RAP1GAP: variants seen among roughly 807,000 people sequenced by gnomAD.
The protein encoded by RAP1GAP is rap1 GTPase-activating protein 1.
A neutral mutation model predicts 87.2 loss-of-function variants in RAP1GAP; 35 were observed. The ratio of observed to expected loss-of-function variants is 0.40; its 90% CI spans 0.31 to 0.53. The LOEUF (loss-of-function observed/expected upper bound fraction) is 0.53, where lower values mean the gene tolerates loss of function less well. RAP1GAP is among the 20% of genes least tolerant of loss of function. The pLI is 0.48. For synonymous variants in RAP1GAP, 375 were observed against 363.9 expected, an observed-to-expected ratio of 1.03 and a Z score of -0.35; for missense variants, 734 against 898.9, an observed-to-expected ratio of 0.82 and a Z score of 2.35.
In RAP1GAP at chr1:21,637,323, A is replaced by AT. The variant is rs34089727; in HGVS notation, c.-112-10927dup. On this transcript the variant is annotated intron_variant, in intron 2 of 24. Transcript: ENST00000374765. ...AGGTGCATGCCACCACATCCGGCTAATTTTTTTTTTTTGTAGAGACAGGGT... is the reference window on the plus strand; with the variant it reads ...AGGTGCATGCCACCACATCCGGCTAATTTTTTTTTTTTTGTAGAGACAGGGT... Among the ~76,000 whole-genome samples, 17 of 146,298 alleles carry AT rather than the reference A, an allele frequency of 1.2e-4. No homozygotes were observed. In the South Asian group the frequency reaches 1.3e-3, roughly 11 times the overall value.
chr1:21,640,126 G>A (rs943568351), intron 2 of RAP1GAP, among the ~76,000 whole-genome samples: 1 of 128,174 alleles, frequency 7.8e-6, no homozygotes, highest in Non-Finnish European at 1.5e-5. Flanking sequence ...ACTCCTTTCC[G>A]CTCCTCAAAC....
At chr1:21,630,303 T>C (rs1222219228) in intron 2 of RAP1GAP, among the ~76,000 whole-genome samples, 1 of 151,906 alleles carries the variant, frequency 6.6e-6, no homozygotes, top group African/African-American at 2.4e-5. Flanking sequence ...GATCTTGCTC[T>C]TGCTGCCCAG....
Position 21,610,169 on chromosome 1 carries a change from T to A in RAP1GAP, c.950A>T (p.Tyr317Phe), listed in dbSNP as rs1321309435. The A allele has an allele frequency of 6.2e-7, 1 of 1,614,076 alleles. No homozygotes were observed. The highest frequency in any genetic ancestry group is 1.7e-5 in the Admixed American group (1 of 60,016). Residue 317 changes from tyrosine to phenylalanine, a missense_variant, in exon 14 of 25, where the codon TAC becomes TTC. Around this residue, in one of 2 missense-constraint regions of RAP1GAP, gnomAD observed 485 missense variants for 646.2 expected, o/e 0.75. Transcript: ENST00000374765. Reference protein sequence around the residue: ...DMIASNFLHAYVVVQAEGGGP... With the variant: ...DMIASNFLHAFVVVQAEGGGP... ...CCCGCCCTCAGCCTGCACCACGACG[T>A]AGGCATGCAGGAAGTTGGACGCGAT...
chr1:21,654,811 G>A (rs2096792425), intron 1 of RAP1GAP, among the ~76,000 whole-genome samples: 1 of 151,360 alleles, frequency 6.6e-6, no homozygotes, highest in Non-Finnish European at 1.5e-5. Flanking sequence ...CAGCCTGGGT[G>A]ACAGAGCAAG....
intron 2 of RAP1GAP, among the ~76,000 whole-genome samples, chr1:21,628,400 TA>T (rs528098037): frequency 3.0e-3 from 156 of 52,404 alleles, no homozygotes; most frequent in African/African-American, 0.018. Context: ...CCATCTCTAC[TA>T]AAAAAAAAAA....
chr1:21,637,952 T>C (rs1009286952), intron 2 of RAP1GAP, among the ~76,000 whole-genome samples: 17 of 101,250 alleles, frequency 1.7e-4, no homozygotes, highest in African/African-American at 5.7e-4. Flanking sequence ...CTGGGCAACA[T>C]AGCAAAACCC....
chr1:21,603,414 G>A lies in RAP1GAP; in HGVS notation c.1429-501C>T. 1.8e-6 allele frequency: 1 copy of A among 552,774 alleles called. No individual in the cohort carries two copies. Among genetic ancestry groups the A allele is most frequent in the East Asian group, 3.0e-5 (1 of 33,286 alleles). 34.2% of individuals were successfully genotyped at this position (552,774 alleles called of 1,614,324 possible). On this transcript the variant is annotated intron_variant, in intron 18 of 24. Coordinates refer to ENST00000374765, the MANE Select transcript of RAP1GAP (RefSeq NM_002885.4). This position sits in a 1 kb window ranked among gnomAD's most constrained non-coding sequence, Gnocchi z 6.0. ...CTGTGCTGGGATGCCCCAGGCCCCA[G>A]AAGCCCGCCCCCAGCTTCTCTGGAG...
At chr1:21,608,109 A>G in intron 17 of RAP1GAP, 104 bp downstream of exon 17, 2 of 1,460,660 alleles carry the variant, frequency 1.4e-6, no homozygotes, top group East Asian at 4.8e-5. Flanking sequence ...CCCTTCTGCC[A>G]GACTCCACCC....
At chr1:21,629,167 C>T (rs1176038183) in intron 2 of RAP1GAP, among the ~76,000 whole-genome samples, 1 of 152,172 alleles carries the variant, frequency 6.6e-6, no homozygotes, top group Non-Finnish European at 1.5e-5. Context: ...AAGTAGGGAT[C>T]CTGCAGTGGG....
At chr1:21,651,899 G>C (rs2096603477) in intron 1 of RAP1GAP, 1 of 988,714 alleles carries the variant, frequency 1.0e-6, no homozygotes, top group African/African-American at 1.8e-5. Flanking sequence ...TTGGCAACGC[G>C]GCCGCCCCGC....
chr1:21,613,986 C>T lies in RAP1GAP; in HGVS notation c.395G>A (p.Arg132Lys). 1 of 1,603,248 alleles carries T rather than the reference C, an allele frequency of 6.2e-7. No individual in the cohort carries two copies. The highest frequency in any genetic ancestry group is 8.5e-7 in the Non-Finnish European group (1 of 1,171,884). The change falls in exon 8 of 25, where the codon AGG becomes AAG. Residue 132 changes from arginine (R) to lysine (K), a missense_variant and splice_region_variant. Arg to Lys is a conservative substitution (Grantham distance 26). This residue lies in a region of RAP1GAP where 485 missense variants were observed against 646.2 expected (regional missense o/e 0.75). Coordinates refer to ENST00000374765, the MANE Select transcript of RAP1GAP (RefSeq NM_002885.4). The surrounding 1 kb of genome is among the most constrained non-coding windows in gnomAD (Gnocchi z 4.7). ...CTCAGGACTCCCCCACCACCCTCAC[C>T]TGAGCAGCAGCCGCAGGTGCTCTTG... ...GDQEHLRLLL[R>K]TKCRTYHDVI...
chr1:21,620,998 C>T (rs2086902452), intron 3 of RAP1GAP, among the ~76,000 whole-genome samples: 1 of 152,194 alleles, frequency 6.6e-6, no homozygotes, highest in Non-Finnish European at 1.5e-5. Context: ...ATGATGGGGA[C>T]TGTGCACAGT....
At chr1:21,626,252 G>C in intron 3 of RAP1GAP, 52 bp downstream of exon 3, 6 of 1,449,160 alleles carry the variant, frequency 4.1e-6, no homozygotes, top group Non-Finnish European at 5.8e-6. Context: ...CTGGGCATGT[G>C]TCGGAGGTAG....
At chr1:21,666,080 C>T (rs544057677) in intron 1 of RAP1GAP, among the ~76,000 whole-genome samples, 1 of 152,330 alleles carries the variant, frequency 6.6e-6, no homozygotes, top group African/African-American at 2.4e-5. Context: ...AGCACTCTGG[C>T]AGGCTTGGTG....
At chr1:21,655,976 A>T (rs2096843710) in intron 1 of RAP1GAP, among the ~76,000 whole-genome samples, 1 of 152,232 alleles carries the variant, frequency 6.6e-6, no homozygotes, top group African/African-American at 2.4e-5. Context: ...AGTCATACTC[A>T]TTCAGGATAT....
intron 2 of RAP1GAP, among the ~76,000 whole-genome samples, chr1:21,646,357 C>A (rs1352143625): frequency 6.6e-6 from 1 of 152,228 alleles, no homozygotes; most frequent in East Asian, 1.9e-4. Context: ...ATTTCTGCAG[C>A]TTCACTGTCT....
At position 21,608,238 on chromosome 1, in the gene RAP1GAP, C is replaced by A; in HGVS notation, c.1271G>T (p.Gly424Val). The change falls in exon 17 of 25, where the codon GGC becomes GTC. Residue 424 changes from glycine (G) to valine (V), a missense_variant. This residue lies in a region of RAP1GAP where 485 missense variants were observed against 646.2 expected (regional missense o/e 0.75). Coordinates refer to ENST00000374765, the MANE Select transcript of RAP1GAP (RefSeq NM_002885.4). ...DEDKMENGSG[G>V]GGFFESFKRV... Reference sequence around the variant, plus strand: ...CTTGAAAGACTCAAAGAAGCCGCCGCCCCCACTGCCATTCTCCATCTTGTC... The same window carrying A: ...CTTGAAAGACTCAAAGAAGCCGCCGACCCCACTGCCATTCTCCATCTTGTC... 6.2e-7 allele frequency: 1 copy of A among 1,614,046 alleles called. No individual in the cohort carries two copies. Among genetic ancestry groups the A allele is most frequent in the Non-Finnish European group, 8.5e-7 (1 of 1,179,950 alleles).
rs923645050 is a variant in RAP1GAP, at chr1:21,615,782, T to C, written c.291+1524A>G. On this transcript the variant is annotated intron_variant, in intron 7 of 24. Transcript: ENST00000374765. This position sits in a 1 kb window ranked among gnomAD's most constrained non-coding sequence, Gnocchi z 4.5. ...TCTGTTCCTACCTTCATCTGTCACT[T>C]GTCACTCTTTCAACAAACTTTTCTG... Among the ~76,000 whole-genome samples the C allele has an allele frequency of 5.3e-4, 80 of 152,302 alleles. No individual in the cohort carries two copies. The highest frequency in any genetic ancestry group is 1.8e-3 in the African/African-American group (73 of 41,572).
chr1:21,614,008 C>G lies in RAP1GAP; in HGVS notation c.373G>C (p.Glu125Gln), dbSNP rs1382481893. ...SLKYDVIGDQ[E>Q]HLRLLLRTKC... ...CACCTGAGCAGCAGCCGCAGGTGCT[C>G]TTGGTCCCCGATGACATCGTACTTG... Residue 125 changes from glutamate to glutamine, a missense_variant, in exon 8 of 25, where the codon GAG (glutamate) becomes CAG (glutamine). Physicochemically the swap from Glu to Gln is conservative, Grantham distance 29. Around this residue, in one of 2 missense-constraint regions of RAP1GAP, gnomAD observed 485 missense variants for 646.2 expected, o/e 0.75. Coordinates refer to ENST00000374765, the MANE Select transcript of RAP1GAP (RefSeq NM_002885.4). 1 of 1,611,898 alleles carries G rather than the reference C, an allele frequency of 6.2e-7. No individual in the cohort carries two copies.
Sources: gnomAD v4.1 joint callset for allele counts (sites outside exome capture counted in the v4.1 genomes callset) on GRCh38, gnomAD v4.1.1 for gene constraint, gnomAD v4.1.1 regional missense constraint, Gnocchi (gnomAD v3.1) non-coding constraint, MANE v1.5 for transcripts, NCBI Gene and HGNC (gene_info 2026-07-23, HGNC 2026-07-21) for gene names.